Variants in CNTNAP5 observed in about 807,000 individuals in gnomAD.
CNTNAP5 encodes the protein contactin-associated protein-like 5.
Under a neutral mutation model 150.2 loss-of-function variants are expected in CNTNAP5, and 72 were observed. That is an observed-to-expected ratio of 0.48 (90% CI 0.40 to 0.58). The LOEUF is 0.58. Ranked by LOEUF, CNTNAP5 falls within the 20% of genes least tolerant of loss-of-function variation. The pLI, the probability that CNTNAP5 is intolerant of heterozygous loss-of-function variation, is 0.00. For missense variants in CNTNAP5, 1,636 were observed against 1,626.2 expected, an observed-to-expected ratio of 1.01 and a Z score of -0.10; for synonymous variants, 672 against 619.8, an observed-to-expected ratio of 1.08 and a Z score of -1.25.
intron 19 of CNTNAP5, among the ~76,000 whole-genome samples, chr2:124,804,212 C>T (rs939271939): frequency 6.6e-6 from 1 of 152,086 alleles, no homozygotes; most frequent in South Asian, 2.1e-4. Flanking sequence ...CTCTAGAGGG[C>T]GATAAAGAGT....
At chr2:124,706,932 A>G (rs1297882097) in intron 13 of CNTNAP5, among the ~76,000 whole-genome samples, 9 of 105,894 alleles carry the variant, frequency 8.5e-5, no homozygotes, top group Non-Finnish European at 1.1e-4. Flanking sequence ...AAGAAGAAGA[A>G]GAAGAAGAAG....
chr2:124,636,885 G>T (rs530079743), intron 12 of CNTNAP5, among the ~76,000 whole-genome samples: 46 of 84,762 alleles, frequency 5.4e-4, no homozygotes, highest in African/African-American at 1.3e-3. Context: ...GCAAATTTGT[G>T]CCCTCCTCAT....
rs147511388 is a variant in CNTNAP5, at chr2:124,574,089, A to G, written c.1756+10766A>G. ...TATGGATTTCTACTATACATTTTTTATACTATAGACTACCAAATAGAGGTT... is the reference window on the plus strand; with the variant it reads ...TATGGATTTCTACTATACATTTTTTGTACTATAGACTACCAAATAGAGGTT... On this transcript the variant is annotated intron_variant, in intron 11 of 23. Coordinates refer to ENST00000682447, the MANE Select transcript of CNTNAP5 (RefSeq NM_001367498.1). Among the ~76,000 whole-genome samples the G allele has an allele frequency of 4.7e-3, 723 of 152,280 alleles. 8 individuals carry two copies. Among genetic ancestry groups the G allele is most frequent in the African/African-American group, 0.015 (633 of 41,548 alleles).
chr2:124,173,617 A>T (rs1684988062), intron 1 of CNTNAP5, among the ~76,000 whole-genome samples: 1 of 152,252 alleles, frequency 6.6e-6, no homozygotes, highest in Non-Finnish European at 1.5e-5. Context: ...AAGAGGAGAG[A>T]AAGCTTCAGA....
At chr2:124,518,815 C>G (rs1388868049) in intron 8 of CNTNAP5, among the ~76,000 whole-genome samples, 1 of 151,558 alleles carries the variant, frequency 6.6e-6, no homozygotes, top group Non-Finnish European at 1.5e-5. Context: ...TATGAAACCC[C>G]ATCTCTACTA....
intron 3 of CNTNAP5, among the ~76,000 whole-genome samples, chr2:124,244,967 A>T (rs1232149596): frequency 6.6e-6 from 1 of 152,228 alleles, no homozygotes; most frequent in Non-Finnish European, 1.5e-5. Flanking sequence ...ACTAAGATTT[A>T]TTCCTAAATA....
chr2:124,273,008 T>C (rs562480818), intron 3 of CNTNAP5, among the ~76,000 whole-genome samples: 1 of 152,264 alleles, frequency 6.6e-6, no homozygotes, highest in South Asian at 2.1e-4. Flanking sequence ...TGCTAAAATA[T>C]AGAAGGCACG....
At chr2:124,687,878 A>G (rs1679224065) in intron 13 of CNTNAP5, among the ~76,000 whole-genome samples, 1 of 152,100 alleles carries the variant, frequency 6.6e-6, no homozygotes, top group African/African-American at 2.4e-5. Context: ...GTTTTGTTAT[A>G]CTGAGGTAGA....
At chr2:124,027,230 G>C (rs117495310) in intron 1 of CNTNAP5, among the ~76,000 whole-genome samples, 1 of 152,032 alleles carries the variant, frequency 6.6e-6, no homozygotes, top group Non-Finnish European at 1.5e-5. Flanking sequence ...AATTGTTCCC[G>C]TGGTGCTTTA....
intron 10 of CNTNAP5, among the ~76,000 whole-genome samples, chr2:124,533,608 G>T (rs1212476342): frequency 6.6e-6 from 1 of 152,110 alleles, no homozygotes; most frequent in Non-Finnish European, 1.5e-5. Flanking sequence ...AGTTTTTGCA[G>T]CTCCCTCAAA....
At chr2:124,307,347 C>CT (rs1274669864) in intron 3 of CNTNAP5, among the ~76,000 whole-genome samples, 1 of 152,136 alleles carries the variant, frequency 6.6e-6, no homozygotes, top group African/African-American at 2.4e-5. Context: ...TCCTAATTAG[C>CT]TCCCAAGGTC....
At chr2:124,858,040 T>C in intron 19 of CNTNAP5, among the ~76,000 whole-genome samples, 1 of 152,146 alleles carries the variant, frequency 6.6e-6, no homozygotes, top group Non-Finnish European at 1.5e-5. Flanking sequence ...AATTAGGTAT[T>C]GATGGGACAT....
At chr2:124,312,547 T>TTTTGTTTGTTTATTTG (rs1213024223) in intron 3 of CNTNAP5, among the ~76,000 whole-genome samples, 1 of 151,384 alleles carries the variant, frequency 6.6e-6, no homozygotes, top group Admixed American at 6.6e-5. Flanking sequence ...GTGGGGGTTT[T>TTTTGTTTGTTTATTTG]TTTGTTTGTT....
At chr2:124,905,375 AG>A (rs935034735) in intron 22 of CNTNAP5, among the ~76,000 whole-genome samples, 2 of 152,066 alleles carry the variant, frequency 1.3e-5, no homozygotes, top group Non-Finnish European at 2.9e-5. Context: ...AAGAGTAGAG[AG>A]GTTTGTCAAA....
chr2:124,816,769 T>C (rs1235420944), intron 19 of CNTNAP5, among the ~76,000 whole-genome samples: 1 of 152,168 alleles, frequency 6.6e-6, no homozygotes, highest in African/African-American at 2.4e-5. Flanking sequence ...TGAGCCACCG[T>C]GCATGGCTGC....
intron 6 of CNTNAP5, among the ~76,000 whole-genome samples, chr2:124,473,580 T>G (rs1263120555): frequency 1.3e-5 from 2 of 151,976 alleles, no homozygotes; most frequent in African/African-American, 4.8e-5. Flanking sequence ...TAAGAAGACA[T>G]TCTGATTGGG....
chr2:124,852,791 C>T (rs1490688029), intron 19 of CNTNAP5, among the ~76,000 whole-genome samples: 1 of 152,098 alleles, frequency 6.6e-6, no homozygotes, highest in African/African-American at 2.4e-5. Context: ...CAAAGATGCA[C>T]AATGTATTTA....
intron 2 of CNTNAP5, among the ~76,000 whole-genome samples, chr2:124,230,228 T>C (rs980793487): frequency 1.3e-5 from 2 of 152,084 alleles, no homozygotes; most frequent in African/African-American, 2.4e-5. Context: ...TGTTCTGAAG[T>C]TGGTTTTCAT....
At position 124,262,658 on chromosome 2, in the gene CNTNAP5, T is replaced by C. The variant is rs1258364035; in HGVS notation, c.381+20265T>C. Among the ~76,000 whole-genome samples, 4 of 152,148 alleles carry C rather than the reference T, an allele frequency of 2.6e-5. No individual in the cohort carries two copies. In the East Asian group the frequency reaches 7.7e-4, roughly 29 times the overall value. ...TTTTTCCAACAGCATTCTGTTTTTTTTTTTTTAATACTTTAAGTTCTAGGG... is the reference window on the plus strand; with the variant it reads ...TTTTTCCAACAGCATTCTGTTTTTTCTTTTTTAATACTTTAAGTTCTAGGG... On this transcript the variant is annotated intron_variant, in intron 3 of 23. Transcript: ENST00000682447.
Sources: gnomAD v4.1 joint callset for allele counts (sites outside exome capture counted in the v4.1 genomes callset) on GRCh38, gnomAD v4.1.1 for gene constraint, MANE v1.5 for transcripts, NCBI Gene and HGNC (gene_info 2026-07-23, HGNC 2026-07-21) for gene names.